Variants in SLC14A2 observed in about 807,000 individuals in gnomAD.
SLC14A2 encodes the protein urea transporter 2.
Under a neutral mutation model 104.6 loss-of-function variants are expected in SLC14A2, and 91 were observed. The observed-to-expected ratio is 0.87, with a 90% CI of 0.73 to 1.04. SLC14A2 has a LOEUF of 1.04. SLC14A2 is among the 50% of genes least tolerant of loss of function. The pLI is 0.00. For synonymous variants in SLC14A2, 476 were observed against 466.4 expected, an observed-to-expected ratio of 1.02 and a Z score of -0.27; for missense variants, 1,189 against 1,156.0, an observed-to-expected ratio of 1.03 and a Z score of -0.41.
intron 2 of SLC14A2, among the ~76,000 whole-genome samples, chr18:45,590,841 A>T (rs964701660): frequency 1.3e-5 from 2 of 152,258 alleles, no homozygotes; most frequent in African/African-American, 4.8e-5. Flanking sequence ...TGCTCTAGAC[A>T]TGGATTAAAT....
chr18:45,363,173 C>G (rs28539224), intron 1 of SLC14A2, among the ~76,000 whole-genome samples: 5 of 152,054 alleles, frequency 3.3e-5, no homozygotes, highest in Admixed American at 2.6e-4. Context: ...CCCTTTTTAT[C>G]GCTTCCATTT....
intron 2 of SLC14A2, among the ~76,000 whole-genome samples, chr18:45,563,772 T>A (rs1282730272): frequency 6.6e-6 from 1 of 152,242 alleles, no homozygotes; most frequent in Non-Finnish European, 1.5e-5. Context: ...GTCTATCTTC[T>A]AACAAGCTGA....
chr18:45,438,061 GTA>G (rs2086625562), intron 1 of SLC14A2: 1 of 152,182 alleles, frequency 6.6e-6, no homozygotes. Flanking sequence ...GACTGAAACT[GTA>G]GAAGGGAACA....
chr18:45,179,816 G>T, the SLC14A2 span: 2 of 150,546 alleles, frequency 1.3e-5, no homozygotes, highest in African/African-American at 4.9e-5. Context: ...CTAAAATTGA[G>T]AACTTACAAA....
intron 1 of SLC14A2, among the ~76,000 whole-genome samples, chr18:45,429,686 A>T (rs564823169): frequency 6.6e-6 from 1 of 152,314 alleles, no homozygotes; most frequent in East Asian, 1.9e-4. Flanking sequence ...GTCTTTGACA[A>T]GAGTCCAGAG....
chr18:45,577,030 G>C (rs1425698334), intron 2 of SLC14A2, among the ~76,000 whole-genome samples: 1 of 152,134 alleles, frequency 6.6e-6, no homozygotes, highest in African/African-American at 2.4e-5. Flanking sequence ...AGGGCCTTGG[G>C]GTGATTAGGC....
chr18:45,317,966 G>C (rs1381665864), intron 1 of SLC14A2, among the ~76,000 whole-genome samples: 1 of 152,040 alleles, frequency 6.6e-6, no homozygotes, highest in African/African-American at 2.4e-5. Flanking sequence ...CCCACCTTTG[G>C]AGCCCCACCT....
intron 1 of SLC14A2, among the ~76,000 whole-genome samples, chr18:45,407,370 A>G (rs2086166758): frequency 6.6e-6 from 1 of 152,214 alleles, no homozygotes; most frequent in African/African-American, 2.4e-5. Context: ...TTGAAGTGTT[A>G]GAGCTTTTCT....
chr18:45,605,033 C>G (rs2044845904), intron 2 of SLC14A2, among the ~76,000 whole-genome samples: 1 of 152,086 alleles, frequency 6.6e-6, no homozygotes, highest in Admixed American at 6.5e-5. Flanking sequence ...ATGAGGCTTC[C>G]ACTCTTCCCC....
At chr18:45,439,596 G>A (rs1010780346) in intron 1 of SLC14A2, among the ~76,000 whole-genome samples, 2 of 152,154 alleles carry the variant, frequency 1.3e-5, no homozygotes, top group African/African-American at 2.4e-5. Context: ...GTCTAGTGAG[G>A]AAGAAATGCC....
intron 1 of SLC14A2, among the ~76,000 whole-genome samples, chr18:45,312,917 C>G (rs2076001423): frequency 6.6e-6 from 1 of 152,158 alleles, no homozygotes; most frequent in African/African-American, 2.4e-5. Flanking sequence ...GTTCTTGCCC[C>G]AAGACCAAAG....
At chr18:45,648,949 C>G (rs961140430) in intron 10 of SLC14A2, among the ~76,000 whole-genome samples, 5 of 152,008 alleles carry the variant, frequency 3.3e-5, no homozygotes, top group Admixed American at 6.6e-5. Flanking sequence ...ATATTCGTCT[C>G]TCACGAGGTC....
Position 45,644,021 on chromosome 18 carries a change from T to G in SLC14A2, c.1212T>G (p.Leu404=), listed in dbSNP as rs775806389. ...CACCAGGCACCTGGGCCTTCTGCCT[T>G]GCCACCATCATCTTCCTGCTCCTGA... ...GVPPGTWAFC[L]ATIIFLLLTT... is the part of the protein sequence containing the mutation. Residue 404 remains leucine, a synonymous_variant, in exon 10 of 20, where the codon CTT becomes CTG. Transcript: ENST00000255226. 11 of 1,614,166 alleles carry G rather than the reference T, an allele frequency of 6.8e-6. 2 individuals are homozygous for G. The South Asian group carries it at 1.2e-4, about 18-fold the overall frequency.
intron 1 of SLC14A2, among the ~76,000 whole-genome samples, chr18:45,252,715 T>G (rs901764320): frequency 1.1e-4 from 17 of 152,110 alleles, no homozygotes; most frequent in African/African-American, 4.1e-4. Flanking sequence ...CAAACTCAAT[T>G]TGAGAGACAT....
chr18:45,647,186 T>C (rs982197745), intron 10 of SLC14A2: 25 of 152,236 alleles, frequency 1.6e-4, no homozygotes, highest in African/African-American at 5.5e-4. Context: ...TTAAATCATC[T>C]TTCCAGTTTC....
At chr18:45,492,215 G>C (rs967118198) in intron 2 of SLC14A2, 1 of 152,190 alleles carries the variant, frequency 6.6e-6, no homozygotes, top group Non-Finnish European at 1.5e-5. Context: ...TTTCCTGGAG[G>C]CCCTTAACTT....
At chr18:45,484,737 C>T (rs1456451825) in intron 2 of SLC14A2, among the ~76,000 whole-genome samples, 2 of 152,152 alleles carry the variant, frequency 1.3e-5, no homozygotes, top group African/African-American at 4.8e-5. Context: ...CTGTCTCTCT[C>T]TCTCTCTCTG....
At chr18:45,500,516 G>A (rs2043179562) in intron 2 of SLC14A2, among the ~76,000 whole-genome samples, 1 of 146,582 alleles carries the variant, frequency 6.8e-6, no homozygotes, top group African/African-American at 2.5e-5. Flanking sequence ...GGCGGAGCTT[G>A]CAGTGAGCCG....
intron 1 of SLC14A2, among the ~76,000 whole-genome samples, chr18:45,377,002 A>G (rs1042228352): frequency 2.6e-5 from 4 of 152,116 alleles, no homozygotes; most frequent in African/African-American, 7.2e-5. Flanking sequence ...TTTACTTCCT[A>G]TCCCCTTTAA....
Sources: gnomAD v4.1 joint callset for allele counts (sites outside exome capture counted in the v4.1 genomes callset) on GRCh38, gnomAD v4.1.1 for gene constraint, MANE v1.5 for transcripts, NCBI Gene and HGNC (gene_info 2026-07-23, HGNC 2026-07-21) for gene names.